The following PCDHGA4 variants were observed in gnomAD, a reference collection of about 807,000 sequenced individuals.
PCDHGA4 encodes the protein protocadherin gamma-A4.
A neutral mutation model predicts 54.6 loss-of-function variants in PCDHGA4; 38 were observed. That is an observed-to-expected ratio of 0.70 (90% CI 0.54 to 0.91). PCDHGA4 has a LOEUF of 0.91. Among genes scored for constraint, PCDHGA4 ranks in the 40% least tolerant of loss-of-function variants. The pLI is 0.00. For synonymous variants in PCDHGA4, 511 were observed against 512.9 expected, an observed-to-expected ratio of 1.00 and a Z score of 0.05; for missense variants, 1,298 against 1,220.9, an observed-to-expected ratio of 1.06 and a Z score of -0.94.
intron 1 of PCDHGA4, among the ~76,000 whole-genome samples, chr5:141,449,674 TA>T (rs2154562752): frequency 6.6e-6 from 1 of 151,604 alleles, no homozygotes; most frequent in African/African-American, 2.4e-5. Context: ...AGTGTGTATG[TA>T]TATATGTTTG....
rs186638311 is a variant in PCDHGA4, at chr5:141,492,901, T to C, written c.2515-1906T>C. 3.7e-3 allele frequency among the ~76,000 whole-genome samples: 568 copies of C among 152,326 alleles called. 5 individuals carry two copies. The highest frequency in any genetic ancestry group is 0.011 in the Admixed American group (163 of 15,308). On this transcript the variant is annotated intron_variant, in intron 1 of 3. Coordinates refer to ENST00000571252, the MANE Select transcript of PCDHGA4 (RefSeq NM_018917.4). ...GAGATACAGGCTTTTGGCGCCGTCG[T>C]GATCACAATGTGCCCAGCGATCTAG...
At chr5:141,447,283 G>T (rs1194678678) in intron 1 of PCDHGA4, among the ~76,000 whole-genome samples, 1 of 152,122 alleles carries the variant, frequency 6.6e-6, no homozygotes, top group East Asian at 1.9e-4. Context: ...GGGACTACAG[G>T]CACATGCCAC....
rs763743728 is a variant in PCDHGA4, at chr5:141,398,890, G to C, written c.2514+41269G>C. On this transcript the variant is annotated intron_variant, in intron 1 of 3. Coordinates refer to ENST00000571252, the MANE Select transcript of PCDHGA4 (RefSeq NM_018917.4). ...GTACAGAGTCAGCCTTCGGGAAAAC[G>C]TGCCACCAGGCACCACTGTGTTGCA... is the stretch of plus-strand genomic sequence containing the variant. 2.5e-6 allele frequency: 4 copies of C among 1,613,920 alleles called. No homozygotes were observed. The South Asian group carries it at 3.3e-5, about 13-fold the overall frequency.
At chr5:141,488,978 C>T (rs1346335195) in intron 1 of PCDHGA4, 4 of 388,976 alleles carry the variant, frequency 1.0e-5, no homozygotes, top group African/African-American at 2.1e-5. Flanking sequence ...GCCAATCAGA[C>T]TCAGAGCTGA....
rs1474849292 is a variant in PCDHGA4 at position 141,454,205 on chromosome 5, G to T, written c.2515-40602G>T. Among the ~76,000 whole-genome samples, 3 of 152,154 alleles carry T rather than the reference G, an allele frequency of 2.0e-5. No individual in the cohort carries two copies. The East Asian group carries it at 5.8e-4, about 29-fold the overall frequency. ...GGAGCTTAGTGAAGGTGAATTTATT[G>T]ACATGAATGAGAAAAGTAATTGTGA... On this transcript the variant is annotated intron_variant, in intron 1 of 3. Coordinates refer to ENST00000571252, the MANE Select transcript of PCDHGA4 (RefSeq NM_018917.4).
At chr5:141,417,003 A>T (rs1444236854) in intron 1 of PCDHGA4, 1 of 150,264 alleles carries the variant, frequency 6.7e-6, no homozygotes, top group African/African-American at 2.5e-5. Flanking sequence ...CATCTCAAAT[A>T]ATTCTATTAT....
chr5:141,427,611 G>A (rs747386422), intron 1 of PCDHGA4: 22 of 691,570 alleles, frequency 3.2e-5, no homozygotes, highest in Non-Finnish European at 5.5e-5. Context: ...CATTGGTGAA[G>A]TCAACGACAA....
In PCDHGA4 at chr5:141,356,010, T is replaced by C; in HGVS notation, c.903T>C (p.Asp301=). 1 of 1,613,914 alleles carries C rather than the reference T, an allele frequency of 6.2e-7. No individual in the cohort carries two copies. Among genetic ancestry groups the C allele is most frequent in the Non-Finnish European group, 8.5e-7 (1 of 1,179,894 alleles). The change falls in exon 1 of 4, where the codon GAT becomes GAC. Residue 301 remains aspartate, a synonymous_variant. Coordinates refer to ENST00000571252, the MANE Select transcript of PCDHGA4 (RefSeq NM_018917.4). ...TCACCGTAAAAGCCACTGATCCAGATGAAGGAGCCAATGGAGACGTGACGT... is the reference window on the plus strand; with the variant it reads ...TCACCGTAAAAGCCACTGATCCAGACGAAGGAGCCAATGGAGACGTGACGT... ...RLLTVKATDP[D]EGANGDVTYS...
chr5:141,381,093 A>T (rs1776980252), intron 1 of PCDHGA4, among the ~76,000 whole-genome samples: 1 of 152,266 alleles, frequency 6.6e-6, no homozygotes, highest in Admixed American at 6.5e-5. Flanking sequence ...AGATCAAAAC[A>T]GAATGTCCTT....
chr5:141,502,785 A>G (rs576095718), intron 2 of PCDHGA4, among the ~76,000 whole-genome samples: 2 of 150,900 alleles, frequency 1.3e-5, no homozygotes, highest in East Asian at 3.9e-4. Context: ...AATTACCTGG[A>G]TGATTTCTTC....
At chr5:141,415,700 A>G (rs1213224503) in intron 1 of PCDHGA4, 1 of 1,515,570 alleles carries the variant, frequency 6.6e-7, no homozygotes, top group East Asian at 2.5e-5. Flanking sequence ...GAAAGTGTAA[A>G]TGCTAAAACA....
intron 1 of PCDHGA4, chr5:141,392,745 G>T: frequency 6.9e-7 from 1 of 1,441,296 alleles, no homozygotes; most frequent in Non-Finnish European, 9.1e-7. Flanking sequence ...CCATAGCTGC[G>T]GCAAGAAACT....
chr5:141,360,143 C>A, intron 1 of PCDHGA4: 2 of 1,594,882 alleles, frequency 1.3e-6, no homozygotes, highest in Non-Finnish European at 8.6e-7. Context: ...AAGATGAAAG[C>A]GAGCTCAGGG....
At chr5:141,419,936 G>C in intron 1 of PCDHGA4, 1 of 1,614,074 alleles carries the variant, frequency 6.2e-7, no homozygotes, top group Non-Finnish European at 8.5e-7. Context: ...GTTTTACCTG[G>C]TGGTGGCCTT....
At position 141,465,659 on chromosome 5, in the gene PCDHGA4, T is replaced by C. The variant is rs184749770; in HGVS notation, c.2515-29148T>C. Among the ~76,000 whole-genome samples the C allele has an allele frequency of 3.5e-4, 53 of 152,318 alleles. 1 individual carries two copies. Among genetic ancestry groups the C allele is most frequent in the African/African-American group, 1.2e-3 (50 of 41,576 alleles). ...TGCTTTGAACATCCCAAAAAAGCGC[T>C]TGCCATGACATTTGCTCTTGACCAG... On this transcript the variant is annotated intron_variant, in intron 1 of 3. Transcript: ENST00000571252.
intron 1 of PCDHGA4, chr5:141,392,941 C>T (rs780347240): frequency 6.2e-7 from 1 of 1,613,940 alleles, no homozygotes. Context: ...GACAAAGGCT[C>T]CTTCGTGGGT....
intron 1 of PCDHGA4, chr5:141,403,303 C>T (rs1561687273): frequency 1.9e-6 from 3 of 1,613,820 alleles, no homozygotes; most frequent in South Asian, 2.2e-5. Flanking sequence ...TGAAACTGTA[C>T]GGAATAGAAA....
chr5:141,486,163 G>A lies in PCDHGA4; in HGVS notation c.2515-8644G>A. 2.5e-6 allele frequency: 4 copies of A among 1,614,212 alleles called. No individual in the cohort carries two copies. Among genetic ancestry groups the A allele is most frequent in the Non-Finnish European group, 3.4e-6 (4 of 1,180,034 alleles). The stretch of plus-strand genomic sequence containing the variant: ...CTCGCGATGGGGGTTCTCCAGCCAT[G>A]GAGCAACATTGCAGCCTTCGAGTGG... On this transcript the variant is annotated intron_variant, in intron 1 of 3. Transcript: ENST00000571252. This position sits in a 1 kb window ranked among gnomAD's most constrained non-coding sequence, Gnocchi z 5.0.
chr5:141,431,020 G>A lies in PCDHGA4; in HGVS notation c.2515-63787G>A, dbSNP rs941765907. On this transcript the variant is annotated intron_variant, in intron 1 of 3. Transcript: ENST00000571252. This position sits in a 1 kb window ranked among gnomAD's most constrained non-coding sequence, Gnocchi z 4.8. ...CGCGCAGCGGCAGCTTGGTCACGGC[G>A]GGCAGGATAGACCGGGAGGAGCTCT... The A allele has an allele frequency of 9.9e-6, 16 of 1,614,050 alleles. No homozygotes were observed. Among genetic ancestry groups the A allele is most frequent in the East Asian group, 4.5e-5 (2 of 44,886 alleles).
Sources: gnomAD v4.1 joint callset for allele counts (sites outside exome capture counted in the v4.1 genomes callset) on GRCh38, gnomAD v4.1.1 for gene constraint, Gnocchi (gnomAD v3.1) non-coding constraint, MANE v1.5 for transcripts, NCBI Gene and HGNC (gene_info 2026-07-23, HGNC 2026-07-21) for gene names.